Variants in C12orf56 observed in about 807,000 individuals in gnomAD.
The protein encoded by C12orf56 is chromosome 12 open reading frame 56.
In C12orf56, 71 loss-of-function variants were observed where a neutral mutation model predicts 69.9. The ratio of observed to expected loss-of-function variants is 1.02; its 90% CI spans 0.84 to 1.24. C12orf56 has a LOEUF of 1.24. Ranked by LOEUF, C12orf56 falls within the 50% of genes most tolerant of loss-of-function variation. The pLI, the probability that C12orf56 is intolerant of heterozygous loss-of-function variation, is 0.00. For synonymous variants in C12orf56, 276 were observed against 274.1 expected (o/e 1.01, Z -0.07); for missense variants, 732 against 738.5 (o/e 0.99, Z 0.10).
At chr12:64,276,001 A>ACCCCCC (rs57825864) in intron 9 of C12orf56, among the ~76,000 whole-genome samples, 2 of 145,004 alleles carry the variant, frequency 1.4e-5, no homozygotes, top group African/African-American at 5.3e-5. Context: ...AGAAATACAC[A>ACCCCCC]CCCCCCCCCG....
chr12:64,342,964 T>C (rs894889706), intron 2 of C12orf56, among the ~76,000 whole-genome samples: 3 of 152,226 alleles, frequency 2.0e-5, no homozygotes, highest in East Asian at 3.8e-4. Flanking sequence ...CACAGCAGCC[T>C]GGACCTGTTG....
At chr12:64,297,849 T>C (rs1226773844) in intron 6 of C12orf56, among the ~76,000 whole-genome samples, 1 of 152,226 alleles carries the variant, frequency 6.6e-6, no homozygotes, top group African/African-American at 2.4e-5. Flanking sequence ...TAAACATACA[T>C]GTGCATGTGT....
At chr12:64,309,773 A>G (rs2038580865) in intron 5 of C12orf56, among the ~76,000 whole-genome samples, 1 of 151,930 alleles carries the variant, frequency 6.6e-6, no homozygotes, top group Non-Finnish European at 1.5e-5. Flanking sequence ...GGCCTCCCAA[A>G]GTGCTGGGAT....
At position 64,330,955 on chromosome 12, in the gene C12orf56, C is replaced by G. The variant is rs905409968; in HGVS notation, c.488+5G>C. 1.9e-6 allele frequency: 3 copies of G among 1,543,914 alleles called. No homozygotes were observed. The highest frequency in any genetic ancestry group is 2.6e-6 in the Non-Finnish European group (3 of 1,143,148). Reference sequence around the variant, plus strand: ...TTAAACACATACTCCAAACAACAATCTCACCTGAGAGGAGATTCTTTCAGA... The same window carrying G: ...TTAAACACATACTCCAAACAACAATGTCACCTGAGAGGAGATTCTTTCAGA... On this transcript the variant is annotated splice_donor_5th_base_variant and intron_variant, in intron 3 of 12. Transcript: ENST00000543942.
intron 2 of C12orf56, among the ~76,000 whole-genome samples, chr12:64,332,497 A>T (rs879590916): frequency 6.6e-6 from 1 of 152,084 alleles, no homozygotes; most frequent in African/African-American, 2.4e-5. Flanking sequence ...CTTCTGTCTC[A>T]CTTCCTCTCT....
intron 2 of C12orf56, chr12:64,338,401 GT>G: frequency 8.3e-6 from 6 of 720,964 alleles, no homozygotes; most frequent in East Asian, 2.8e-5. Flanking sequence ...CATCAACATC[GT>G]TTTTGGTGGC....
chr12:64,318,495 A>G, intron 4 of C12orf56, 80 bp downstream of exon 4: 1 of 1,250,452 alleles, frequency 8.0e-7, no homozygotes, highest in African/African-American at 1.5e-5. Flanking sequence ...ATGGGAGGTA[A>G]AGGAGGGAGG....
intron 1 of C12orf56, among the ~76,000 whole-genome samples, chr12:64,366,982 A>T: frequency 9.6e-6 from 1 of 103,660 alleles, no homozygotes; most frequent in Non-Finnish European, 1.7e-5. Flanking sequence ...TTTATATATT[A>T]TATATAACAT....
At chr12:64,298,101 C>G (rs1592430325) in intron 6 of C12orf56, among the ~76,000 whole-genome samples, 1 of 152,256 alleles carries the variant, frequency 6.6e-6, no homozygotes, top group Middle Eastern at 3.4e-3. Flanking sequence ...GATGGTATCT[C>G]ATTGTGGTTT....
At chr12:64,328,679 CAAAAAAAAAAAA>C (rs59688148) in intron 3 of C12orf56, among the ~76,000 whole-genome samples, 4 of 57,908 alleles carry the variant, frequency 6.9e-5, no homozygotes, top group African/African-American at 2.4e-4. Context: ...GACTCCATCT[CAAAAAAAAAAAA>C]AAAAAAAAAA....
chr12:64,371,426 T>G (rs1030606078), intron 1 of C12orf56, among the ~76,000 whole-genome samples: 2 of 150,990 alleles, frequency 1.3e-5, no homozygotes, highest in African/African-American at 4.9e-5. Context: ...ACACTGGATA[T>G]CCACATGCAA....
chr12:64,348,950 C>T (rs1314162717), intron 2 of C12orf56, among the ~76,000 whole-genome samples: 4 of 152,110 alleles, frequency 2.6e-5, no homozygotes, highest in African/African-American at 9.7e-5. Context: ...TCAAGCAAAA[C>T]AAGAGTTAAC....
At chr12:64,345,275 C>T (rs1433743290) in intron 2 of C12orf56, among the ~76,000 whole-genome samples, 1 of 112,946 alleles carries the variant, frequency 8.9e-6, no homozygotes, top group Non-Finnish European at 1.9e-5. Context: ...GAGGCCATCA[C>T]TGTTGCCTCA....
chr12:64,326,808 G>C (rs7300896), intron 3 of C12orf56, among the ~76,000 whole-genome samples: 67,901 of 151,730 alleles, frequency 0.45, 15,548 homozygotes, highest in African/African-American at 0.54. Context: ...ATAAAATTTA[G>C]AGGAAGAACA....
intron 6 of C12orf56, 135 bp from the exon 7 acceptor site, chr12:64,286,195 T>C: frequency 1.6e-6 from 1 of 615,060 alleles, no homozygotes. Flanking sequence ...CTCCCACTGA[T>C]ACTAGCATAA....
At chr12:64,360,388 G>A (rs2135959937) in intron 1 of C12orf56, among the ~76,000 whole-genome samples, 1 of 152,252 alleles carries the variant, frequency 6.6e-6, no homozygotes, top group East Asian at 1.9e-4. Flanking sequence ...TCATGCCATT[G>A]CACCCTAGCC....
chr12:64,361,386 G>A (rs900160108), intron 1 of C12orf56, among the ~76,000 whole-genome samples: 1 of 152,062 alleles, frequency 6.6e-6, no homozygotes. Context: ...AGGAGGTTAA[G>A]GCATCCTATA....
chr12:64,340,513 C>T (rs560567016), intron 2 of C12orf56, among the ~76,000 whole-genome samples: 1 of 152,224 alleles, frequency 6.6e-6, no homozygotes, highest in East Asian at 1.9e-4. Flanking sequence ...TAGCATAATA[C>T]AACTATCCTT....
intron 1 of C12orf56, among the ~76,000 whole-genome samples, chr12:64,389,873 C>T (rs2039844482): frequency 6.6e-6 from 1 of 152,194 alleles, no homozygotes; most frequent in Non-Finnish European, 1.5e-5. Context: ...TATAACAGCA[C>T]TTAACACACA....
Sources: gnomAD v4.1 joint callset for allele counts (sites outside exome capture counted in the v4.1 genomes callset) on GRCh38, gnomAD v4.1.1 for gene constraint, MANE v1.5 for transcripts, NCBI Gene and HGNC (gene_info 2026-07-23, HGNC 2026-07-21) for gene names.